RARA: variants seen among roughly 807,000 people sequenced by gnomAD.
The protein encoded by RARA is PML-DDX5-RARA fusion.
Under a neutral mutation model 42.8 loss-of-function variants are expected in RARA, and 5 were observed. The observed-to-expected ratio is 0.12, with a 90% CI of 0.06 to 0.25. RARA has a LOEUF of 0.25. RARA is among the 10% of genes least tolerant of loss of function. The pLI, the probability that RARA is intolerant of heterozygous loss-of-function variation, is 1.00. For synonymous variants in RARA, 256 were observed against 259.5 expected (o/e 0.99, Z 0.13); for missense variants, 402 against 628.7 (o/e 0.64, Z 3.86).
chr17:40,322,585 G>T (rs942026218), intron 1 of RARA, among the ~76,000 whole-genome samples: 2 of 152,088 alleles, frequency 1.3e-5, no homozygotes. Context: ...CTGTCCCCTG[G>T]GTCCTACCGC....
At position 40,352,145 on chromosome 17, in the gene RARA, C is replaced by T; in HGVS notation, c.630+75C>T. ...GCCAGGATGGGCCCCTCTCAGGCAC[C>T]CCTTCTTGTGCCAGGCAAGATCTCT... On this transcript the variant is annotated intron_variant, in intron 5 of 8. Coordinates refer to ENST00000254066, the MANE Select transcript of RARA (RefSeq NM_000964.4). The surrounding 1 kb of genome is among the most constrained non-coding windows in gnomAD (Gnocchi z 4.9). The T allele has an allele frequency of 6.8e-7, 1 of 1,470,554 alleles. No individual in the cohort carries two copies. The highest frequency in any genetic ancestry group is 1.4e-5 in the South Asian group (1 of 70,906). 91.1% of individuals were successfully genotyped at this position (1,470,554 alleles called of 1,614,324 possible).
intron 1 of RARA, among the ~76,000 whole-genome samples, chr17:40,312,460 G>A (rs1461864067): frequency 6.6e-6 from 1 of 152,268 alleles, no homozygotes; most frequent in African/African-American, 2.4e-5. Flanking sequence ...CTGCTCTTTG[G>A]GCAGCTGTGG....
At chr17:40,347,989 A>G (rs482284) in intron 2 of RARA, 135,369 of 231,096 alleles carry the variant, frequency 0.59, 44,151 homozygotes, top group Non-Finnish European at 0.7. Context: ...CCCAGGGGCA[A>G]GAGCTTTAGA....
intron 3 of RARA, 148 bp downstream of exon 3, chr17:40,348,612 T>C: frequency 9.7e-7 from 1 of 1,032,108 alleles, no homozygotes; most frequent in Admixed American, 3.5e-5. Flanking sequence ...CAGGGACACC[T>C]ACCACAGTTT....
rs868089996 is a variant in RARA, at chr17:40,354,961, G to C, written c.1013-302G>C. On this transcript the variant is annotated intron_variant, in intron 7 of 8. Transcript: ENST00000254066. The surrounding 1 kb of genome is among the most constrained non-coding windows in gnomAD (Gnocchi z 4.5). ...TTTCATCTGGTTTCCAGAATAACAG[G>C]GGGGAGTGGGAGCCTGCCTGGGAAC... 1.2e-4 allele frequency among the ~76,000 whole-genome samples: 18 copies of C among 150,902 alleles called. No homozygotes were observed. The highest frequency in any genetic ancestry group is 3.4e-3 in the Middle Eastern group (1 of 294).
Position 40,338,159 on chromosome 17 carries a change from T to C in RARA, c.178+6763T>C, listed in dbSNP as rs865808051. Among the ~76,000 whole-genome samples the C allele has an allele frequency of 5.9e-5, 9 of 152,298 alleles. No individual in the cohort carries two copies. In the Middle Eastern group the frequency reaches 0.01, roughly 173 times the overall value. On this transcript the variant is annotated intron_variant, in intron 2 of 8. Coordinates refer to ENST00000254066, the MANE Select transcript of RARA (RefSeq NM_000964.4). ...TTTTAGGTGGGTCAGGGCCGAGGTATTGTGTCTACCCCATGCCAAGGGATG... is the reference window on the plus strand; with the variant it reads ...TTTTAGGTGGGTCAGGGCCGAGGTACTGTGTCTACCCCATGCCAAGGGATG...
In RARA at chr17:40,354,538, C is replaced by T. The variant is rs2034552953; in HGVS notation, c.1012+32C>T. On this transcript the variant is annotated intron_variant, in intron 7 of 8. Coordinates refer to ENST00000254066, the MANE Select transcript of RARA (RefSeq NM_000964.4). This position sits in a 1 kb window ranked among gnomAD's most constrained non-coding sequence, Gnocchi z 4.5. Reference sequence around the variant, plus strand: ...AGGGGGCCTGGGTCTGGGGGCTGGGCTGGGACGGGGGTGCAGCCCTGGAGT... The same window carrying T: ...AGGGGGCCTGGGTCTGGGGGCTGGGTTGGGACGGGGGTGCAGCCCTGGAGT... 5.3e-6 allele frequency: 7 copies of T among 1,325,956 alleles called. No homozygotes were observed. The highest frequency in any genetic ancestry group is 7.4e-6 in the Non-Finnish European group (7 of 945,892). The allele number at this position is 1,325,956 out of a possible 1,614,324, so 82.1% of individuals were successfully genotyped here.
chr17:40,336,239 G>T (rs1202292696), intron 2 of RARA, among the ~76,000 whole-genome samples: 1 of 152,008 alleles, frequency 6.6e-6, no homozygotes, highest in Non-Finnish European at 1.5e-5. Flanking sequence ...CACTATGCTG[G>T]ACTAATTTTT....
chr17:40,350,192 T>C (rs2034397394), intron 4 of RARA: 4 of 489,346 alleles, frequency 8.2e-6, no homozygotes, highest in Non-Finnish European at 1.5e-5. Flanking sequence ...CTGTGTGTGC[T>C]TGCGTATGTG....
rs8069541 is a variant in RARA at position 40,355,945 on chromosome 17, T to C, written c.1172-64T>C. On this transcript the variant is annotated intron_variant, in intron 8 of 8. Transcript: ENST00000254066. The surrounding 1 kb of genome is among the most constrained non-coding windows in gnomAD (Gnocchi z 4.1). ...TGATCTTCCCACCTCGAGCCAGGCT[T>C]GCTGGGGCTGGGGGTGGGAGGGCTG... 109,632 of 1,429,856 alleles carry C rather than the reference T, an allele frequency of 0.077. 11,867 individuals carry two copies. Among genetic ancestry groups the C allele is most frequent in the African/African-American group, 0.52 (36,256 of 70,050 alleles). 88.6% of individuals were successfully genotyped at this position (1,429,856 alleles called of 1,614,324 possible).
rs1184769949 is a variant in RARA at position 40,352,248 on chromosome 17, A to C, written c.631-83A>C. 6.6e-7 allele frequency: 1 copy of C among 1,515,938 alleles called. No homozygotes were observed. The highest frequency in any genetic ancestry group is 8.8e-7 in the Non-Finnish European group (1 of 1,135,620). 93.9% of individuals were successfully genotyped at this position (1,515,938 alleles called of 1,614,324 possible). ...AGCTCCCAGGAAGTGAAGGCTGGGT[A>C]GAGGGCAGGCCTGTGGGGGCTGGAG... is the stretch of plus-strand genomic sequence containing the variant. On this transcript the variant is annotated intron_variant, in intron 5 of 8. Transcript: ENST00000254066. The surrounding 1 kb of genome is among the most constrained non-coding windows in gnomAD (Gnocchi z 4.9).
chr17:40,309,884 C>T (rs564972061), intron 1 of RARA, among the ~76,000 whole-genome samples: 1 of 152,284 alleles, frequency 6.6e-6, no homozygotes, highest in South Asian at 2.1e-4. Context: ...AGCTTAGAGC[C>T]CCCATCCATG....
rs761512575 is a variant in RARA, at chr17:40,331,256, G to A, written c.38G>A (p.Gly13Asp). ...SNSSSCPTPGGGHLNGYPVPP... is the reference protein window; with the variant it reads ...SNSSSCPTPGDGHLNGYPVPP... The stretch of plus-strand genomic sequence containing the variant: ...AGCAGCTCCTGCCCGACACCTGGGG[G>A]CGGGCACCTCAATGGGTACCCGGTG... Residue 13 changes from glycine (G) to aspartate (D), a missense_variant, in exon 2 of 9, where the codon GGC becomes GAC. By Grantham distance (94) the Gly-to-Asp change is moderately conservative. Around this residue, in one of 5 missense-constraint regions of RARA, gnomAD observed 91 missense variants for 105.2 expected, o/e 0.87. Coordinates refer to ENST00000254066, the MANE Select transcript of RARA (RefSeq NM_000964.4). 2 of 1,613,384 alleles carry A rather than the reference G, an allele frequency of 1.2e-6. No individual in the cohort carries two copies. The highest frequency in any genetic ancestry group is 1.7e-5 in the Admixed American group (1 of 59,978).
At position 40,352,016 on chromosome 17, in the gene RARA, CA is replaced by C; in HGVS notation, c.579del (p.Ala194ArgfsTer76). 6.3e-7 allele frequency: 1 copy of C among 1,591,622 alleles called. No homozygotes were observed. Among genetic ancestry groups the C allele is most frequent in the Non-Finnish European group, 8.5e-7 (1 of 1,173,192 alleles). On this transcript the variant is annotated frameshift_variant, in exon 5 of 9. Transcript: ENST00000254066. LOFTEE classifies it high-confidence loss of function. The surrounding 1 kb of genome is among the most constrained non-coding windows in gnomAD (Gnocchi z 4.9). ...TGGGGGAGCTCATTGAGAAGGTGCG[CA>C]AAGCGCACCAGGAAACCTTCCCTGC... ...EVGELIEKVR[K>X]AHQETFPALC...
chr17:40,309,719 G>A (rs1236664857), intron 1 of RARA, among the ~76,000 whole-genome samples: 6 of 152,106 alleles, frequency 3.9e-5, no homozygotes, highest in Non-Finnish European at 5.9e-5. Flanking sequence ...CTCACCCAAA[G>A]AGCTCAGGAC....
intron 1 of RARA, among the ~76,000 whole-genome samples, chr17:40,317,314 C>T (rs1175172989): frequency 6.6e-6 from 1 of 152,220 alleles, no homozygotes; most frequent in African/African-American, 2.4e-5. Flanking sequence ...TCCCCCTAAG[C>T]CCGCCAGTGG....
rs184227388 is a variant in RARA at position 40,335,043 on chromosome 17, G to A, written c.178+3647G>A. Among the ~76,000 whole-genome samples, 7 of 152,240 alleles carry A rather than the reference G, an allele frequency of 4.6e-5. No homozygotes were observed. In the East Asian group the frequency reaches 1.4e-3, roughly 29 times the overall value. Reference sequence around the variant, plus strand: ...GTCTCAGATTCTGTGTGCACTACGGGTCAGGGCTGTGTGTGTTTTGGGGGT... The same window carrying A: ...GTCTCAGATTCTGTGTGCACTACGGATCAGGGCTGTGTGTGTTTTGGGGGT... On this transcript the variant is annotated intron_variant, in intron 2 of 8. Coordinates refer to ENST00000254066, the MANE Select transcript of RARA (RefSeq NM_000964.4).
In RARA at chr17:40,352,188, TCTCTTCTCCC is replaced by T; in HGVS notation, c.630+119_630+128del. 6.7e-7 allele frequency: 1 copy of T among 1,486,674 alleles called. No homozygotes were observed. Among genetic ancestry groups the T allele is most frequent in the African/African-American group, 1.4e-5 (1 of 71,092 alleles). 92.1% of individuals were successfully genotyped at this position (1,486,674 alleles called of 1,614,324 possible). The stretch of plus-strand genomic sequence containing the variant: ...AGATCTCTGCGTCCTTCCCTTCCCC[TCTCTTCTCCC>T]TCCTCCTGCTGCCTCTTCCCAAGGA... On this transcript the variant is annotated intron_variant, in intron 5 of 8. Transcript: ENST00000254066. This position sits in a 1 kb window ranked among gnomAD's most constrained non-coding sequence, Gnocchi z 4.9.
In RARA at chr17:40,355,348, G is replaced by A; in HGVS notation, c.1098G>A (p.Arg366=). ...LEALKVYVRK[R]RPSRPHMFPK... Reference sequence around the variant, plus strand: ...CGCTAAAGGTCTACGTGCGGAAGCGGAGGCCCAGCCGCCCCCACATGTTCC... The same window carrying A: ...CGCTAAAGGTCTACGTGCGGAAGCGAAGGCCCAGCCGCCCCCACATGTTCC... Residue 366 remains arginine (R), a synonymous_variant, in exon 8 of 9, where the codon CGG becomes CGA. Transcript: ENST00000254066. This position sits in a 1 kb window ranked among gnomAD's most constrained non-coding sequence, Gnocchi z 4.1. 1.9e-6 allele frequency: 3 copies of A among 1,613,512 alleles called. No individual in the cohort carries two copies. The highest frequency in any genetic ancestry group is 2.5e-6 in the Non-Finnish European group (3 of 1,179,802).
Sources: allele counts gnomAD v4.1 joint callset (sites outside exome capture counted in the v4.1 genomes callset), GRCh38; gene constraint gnomAD v4.1.1; regional missense constraint gnomAD v4.1.1; non-coding constraint Gnocchi (gnomAD v3.1); transcripts MANE v1.5; gene names NCBI Gene and HGNC (gene_info 2026-07-23, HGNC 2026-07-21).